The following PROC variants were observed in gnomAD, a reference collection of about 807,000 sequenced individuals.
PROC encodes the protein protein C, inactivator of coagulation factors Va and VIIIa.
In PROC, 22 loss-of-function variants were observed where a neutral mutation model predicts 36.3. The observed-to-expected ratio is 0.61, with a 90% confidence interval of 0.43 to 0.86. The LOEUF (loss-of-function observed/expected upper bound fraction) is 0.86, where lower values mean the gene tolerates loss of function less well. Among genes scored for constraint, PROC ranks in the 40% least tolerant of loss-of-function variants. The pLI, the probability that PROC is intolerant of heterozygous loss-of-function variation, is 0.00. For missense variants in PROC, 526 were observed against 629.7 expected (o/e 0.84, Z 1.76); for synonymous variants, 218 against 244.5 (o/e 0.89, Z 1.01).
At position 127,423,421 on chromosome 2, in the gene PROC, C is replaced by T; in HGVS notation, c.535+13C>T. ...TGTCACCCCGCAGGTGAGAAGCCCC[C>T]AATACATCGCCCAGGAATCACGCTG... On this transcript the variant is annotated intron_variant, in intron 6 of 8. Coordinates refer to ENST00000234071, the MANE Select transcript of PROC (RefSeq NM_000312.4). 1 of 1,547,058 alleles carries T rather than the reference C, an allele frequency of 6.5e-7. No homozygotes were observed. The highest frequency in any genetic ancestry group is 8.7e-7 in the Non-Finnish European group (1 of 1,145,486).
Position 127,419,925 on chromosome 2 carries a change from G to C in PROC, c.-18G>C. On this transcript the variant is annotated 5_prime_UTR_variant, in exon 2 of 9. Transcript: ENST00000234071. ...GGAGCTCAGAAGTCCTCCTCAGACA[G>C]GTGCCAGTGCCTCCAGAATGTGGCA... The C allele has an allele frequency of 6.2e-7, 1 of 1,613,978 alleles. No homozygotes were observed. The highest frequency in any genetic ancestry group is 1.1e-5 in the South Asian group (1 of 91,078).
Position 127,422,200 on chromosome 2 carries a change from C to G in PROC, c.238-717C>G, listed in dbSNP as rs755392767. 1.2e-4 allele frequency among the ~76,000 whole-genome samples: 19 copies of G among 152,214 alleles called. 1 individual carries two copies. The highest frequency in any genetic ancestry group is 2.2e-4 in the Non-Finnish European group (15 of 68,032). On this transcript the variant is annotated intron_variant, in intron 3 of 8. Transcript: ENST00000234071. ...TTGCCCTCAGCCTCCACCTCCTTGA[C>G]TGGACCCCCATCTGGACCTCCATCC...
At chr2:127,421,481 T>TCAGGGGCGAGCTGGTAACCAG in intron 3 of PROC, 32 bp downstream of exon 3, 1 of 1,612,794 alleles carries the variant, frequency 6.2e-7, no homozygotes, top group Non-Finnish European at 8.5e-7. Context: ...AGGATGAGGC[T>TCAGGGGCGAGCTGGTAACCAG]CAGGGGCGAG....
chr2:127,424,630 G>A (rs1169793699), intron 6 of PROC, among the ~76,000 whole-genome samples: 2 of 152,156 alleles, frequency 1.3e-5, no homozygotes, highest in African/African-American at 4.8e-5. Context: ...CTTGAGCTTG[G>A]GAGTTTGAGA....
intron 6 of PROC, among the ~76,000 whole-genome samples, chr2:127,425,812 G>A (rs530529105): frequency 3.9e-4 from 60 of 152,278 alleles, no homozygotes; most frequent in African/African-American, 1.4e-3. Flanking sequence ...CCTTCAAGAA[G>A]TTTAACAACC....
intron 1 of PROC, 21 bp from the exon 2 acceptor site, chr2:127,419,901 G>A: frequency 6.2e-7 from 1 of 1,613,768 alleles, no homozygotes; most frequent in South Asian, 1.1e-5. Context: ...GCACTGCCCG[G>A]AGCTCAGAAG....
Position 127,426,428 on chromosome 2 carries a change from G to A in PROC, c.678+201G>A. On this transcript the variant is annotated intron_variant, in intron 7 of 8. Coordinates refer to ENST00000234071, the MANE Select transcript of PROC (RefSeq NM_000312.4). This position sits in a 1 kb window ranked among gnomAD's most constrained non-coding sequence, Gnocchi z 7.0. ...GCAGCCAGGGTGGGTGAGGGGAGGGGCATGGGGGCATGGAGGGGTCTGCAG... is the reference window on the plus strand; with the variant it reads ...GCAGCCAGGGTGGGTGAGGGGAGGGACATGGGGGCATGGAGGGGTCTGCAG... The A allele has an allele frequency of 1.5e-6, 1 of 671,012 alleles. No homozygotes were observed. The highest frequency in any genetic ancestry group is 1.8e-5 in the South Asian group (1 of 55,648). The allele number at this position is 671,012 out of a possible 1,614,324, so 41.6% of individuals were successfully genotyped here.
chr2:127,420,527 A>G lies in PROC; in HGVS notation c.70+515A>G, dbSNP rs552514538. Among the ~76,000 whole-genome samples, 5 of 152,244 alleles carry G rather than the reference A, an allele frequency of 3.3e-5. No homozygotes were observed. The East Asian group carries it at 9.7e-4, about 29-fold the overall frequency. On this transcript the variant is annotated intron_variant, in intron 2 of 8. Coordinates refer to ENST00000234071, the MANE Select transcript of PROC (RefSeq NM_000312.4). ...GGCTGTTGGTTTCATTTGTGCCTTT[A>G]TAGAGCTGTTTATCTGCTTGGGACC... is the stretch of plus-strand genomic sequence containing the variant.
chr2:127,421,251 C>G lies in PROC; in HGVS notation c.71-32C>G, dbSNP rs773197238. 10 of 1,612,732 alleles carry G rather than the reference C, an allele frequency of 6.2e-6. No homozygotes were observed. The South Asian group carries it at 1.1e-4, about 18-fold the overall frequency. On this transcript the variant is annotated intron_variant, in intron 2 of 8. Coordinates refer to ENST00000234071, the MANE Select transcript of PROC (RefSeq NM_000312.4). ...CCCCAGCCCCTCTTAGGCCCCTCCACCAAGGTGAGCTCCCCCTCCCTCCAA... is the reference window on the plus strand; with the variant it reads ...CCCCAGCCCCTCTTAGGCCCCTCCAGCAAGGTGAGCTCCCCCTCCCTCCAA...
In PROC at chr2:127,428,819, T is replaced by A. The variant is rs760579201; in HGVS notation, c.1259T>A (p.Val420Glu). 1 of 1,612,002 alleles carries A rather than the reference T, an allele frequency of 6.2e-7. No individual in the cohort carries two copies. The highest frequency in any genetic ancestry group is 2.2e-5 in the East Asian group (1 of 44,832). The change falls in exon 9 of 9, where the codon GTG becomes GAG. Residue 420 changes from valine (V) to glutamate (E), a missense_variant. By Grantham distance (121) the Val-to-Glu change is moderately radical. Transcript: ENST00000234071. Reference protein sequence around the residue: ...FHGTWFLVGLVSWGEGCGLLH... With the variant: ...FHGTWFLVGLESWGEGCGLLH... ...GGCACCTGGTTCCTGGTGGGCCTGG[T>A]GAGCTGGGGTGAGGGCTGTGGGCTC...
chr2:127,425,413 C>G (rs1390616252), intron 6 of PROC, among the ~76,000 whole-genome samples: 4 of 152,220 alleles, frequency 2.6e-5, no homozygotes, highest in African/African-American at 7.2e-5. Context: ...TGAGCAGAGT[C>G]GGGCCGACCT....
At chr2:127,421,489 G>C (rs370765189) in intron 3 of PROC, 40 bp downstream of exon 3, 1 of 1,611,222 alleles carries the variant, frequency 6.2e-7, no homozygotes, top group East Asian at 2.2e-5. Flanking sequence ...GCTCAGGGGC[G>C]AGCTGGTAAC....
At chr2:127,422,248 C>G (rs1225245442) in intron 3 of PROC, among the ~76,000 whole-genome samples, 1 of 152,228 alleles carries the variant, frequency 6.6e-6, no homozygotes, top group African/African-American at 2.4e-5. Flanking sequence ...TCCCCAGTGG[C>G]CTCCCTGGCA....
Position 127,426,241 on chromosome 2 carries a change from C to T in PROC, c.678+14C>T, listed in dbSNP as rs768756051. ...AGCCCCTGGCAGGTGGGAGGCGAGG[C>T]AGCACCGGCTGCTCACGTGCTGGGT... is the stretch of plus-strand genomic sequence containing the variant. On this transcript the variant is annotated intron_variant, in intron 7 of 8. Coordinates refer to ENST00000234071, the MANE Select transcript of PROC (RefSeq NM_000312.4). This position sits in a 1 kb window ranked among gnomAD's most constrained non-coding sequence, Gnocchi z 7.0. 1.2e-6 allele frequency: 2 copies of T among 1,613,850 alleles called. No homozygotes were observed. The highest frequency in any genetic ancestry group is 2.2e-5 in the South Asian group (2 of 91,086).
In PROC at chr2:127,426,283, C is replaced by T. The variant is rs989012957; in HGVS notation, c.678+56C>T. ...GTGCTGGGTCCGGGATCACTGAGTCCATCCTGGCAGCTATGCTCAGGGTGC... is the reference window on the plus strand; with the variant it reads ...GTGCTGGGTCCGGGATCACTGAGTCTATCCTGGCAGCTATGCTCAGGGTGC... On this transcript the variant is annotated intron_variant, in intron 7 of 8. Coordinates refer to ENST00000234071, the MANE Select transcript of PROC (RefSeq NM_000312.4). This position sits in a 1 kb window ranked among gnomAD's most constrained non-coding sequence, Gnocchi z 7.0. 2.5e-6 allele frequency: 4 copies of T among 1,610,926 alleles called. No homozygotes were observed. The highest frequency in any genetic ancestry group is 2.7e-5 in the African/African-American group (2 of 74,844).
intron 8 of PROC, 47 bp from the exon 9 acceptor site, chr2:127,428,310 G>C: frequency 6.3e-7 from 1 of 1,587,600 alleles, no homozygotes; most frequent in Non-Finnish European, 8.6e-7. Context: ...GTGCCACTGG[G>C]GAGAGGCTCC....
In PROC at chr2:127,419,951, G is replaced by A; in HGVS notation, c.9G>A (p.Gln3=). 6.2e-7 allele frequency: 1 copy of A among 1,613,962 alleles called. No individual in the cohort carries two copies. Among genetic ancestry groups the A allele is most frequent in the Non-Finnish European group, 8.5e-7 (1 of 1,180,020 alleles). Residue 3 remains glutamine (Q), a synonymous_variant, in exon 2 of 9, where the codon CAG becomes CAA. Transcript: ENST00000234071. Reference sequence around the variant, plus strand: ...GTGCCAGTGCCTCCAGAATGTGGCAGCTCACAAGCCTCCTGCTGTTCGTGG... The same window carrying A: ...GTGCCAGTGCCTCCAGAATGTGGCAACTCACAAGCCTCCTGCTGTTCGTGG... MW[Q]LTSLLLFVAT... is the part of the protein sequence containing the mutation.
intron 8 of PROC, among the ~76,000 whole-genome samples, chr2:127,428,124 A>T (rs534368623): frequency 1.3e-5 from 2 of 152,314 alleles, no homozygotes; most frequent in East Asian, 3.9e-4. Context: ...TTTGGGATTG[A>T]CACCTGTTGG....
chr2:127,427,687 T>G (rs1374065291), intron 8 of PROC, among the ~76,000 whole-genome samples: 1 of 152,202 alleles, frequency 6.6e-6, no homozygotes, highest in Non-Finnish European at 1.5e-5. Flanking sequence ...ACCTATGCAT[T>G]GGCCCCGATC....
Sources: allele counts gnomAD v4.1 joint callset (sites outside exome capture counted in the v4.1 genomes callset), GRCh38; gene constraint gnomAD v4.1.1; non-coding constraint Gnocchi (gnomAD v3.1); transcripts MANE v1.5; gene names NCBI Gene and HGNC (gene_info 2026-07-23, HGNC 2026-07-21).